Variants in NPHP4 observed in about 807,000 individuals in gnomAD.
NPHP4 encodes the protein nephrocystin 4.
In NPHP4, 151 loss-of-function variants were observed where a neutral mutation model predicts 155.8. The observed-to-expected ratio is 0.97, with a 90% CI of 0.85 to 1.11. The LOEUF is 1.11. Among genes scored for constraint, NPHP4 ranks in the 50% least tolerant of loss-of-function variants. The pLI is 0.00. For missense variants in NPHP4, 1,956 were observed against 1,925.7 expected (o/e 1.02, Z -0.29); for synonymous variants, 845 against 816.8 (o/e 1.03, Z -0.59).
rs1644081007 is a variant in NPHP4, at chr1:5,890,788, A to C, written c.2304+80T>G. On this transcript the variant is annotated intron_variant, in intron 17 of 29. Transcript: ENST00000378156. The surrounding 1 kb of genome is among the most constrained non-coding windows in gnomAD (Gnocchi z 4.9). ...TGCGGGATAGCGCCCGCTCCTTCCA[A>C]GCAGACAGACGCTGGAAGCGTGACT... 6.3e-6 allele frequency: 9 copies of C among 1,428,082 alleles called. No homozygotes were observed. Among genetic ancestry groups the C allele is most frequent in the Non-Finnish European group, 8.7e-6 (9 of 1,039,156 alleles). The allele number at this position is 1,428,082 out of a possible 1,614,324, so 88.5% of individuals were successfully genotyped here. A position where few individuals can be genotyped will look rare whatever the true frequency, so the allele number is the denominator to read the frequency against.
intron 23 of NPHP4, among the ~76,000 whole-genome samples, chr1:5,868,678 A>C (rs911607232): frequency 2.0e-5 from 3 of 149,736 alleles, no homozygotes; most frequent in Non-Finnish European, 1.5e-5. Flanking sequence ...ATGCACACAC[A>C]TGCATGTACA....
At position 5,867,532 on chromosome 1, in the gene NPHP4, G is replaced by A. The variant is rs935187005; in HGVS notation, c.3472+208C>T. The A allele has an allele frequency of 7.7e-5, 47 of 611,074 alleles. No individual in the cohort carries two copies. The highest frequency in any genetic ancestry group is 1.1e-4 in the East Asian group (4 of 35,682). 37.9% of individuals were successfully genotyped at this position (611,074 alleles called of 1,614,324 possible). ...ATTTTTTAGAAGGGCAGACTCAGCC[G>A]GCAAATGCGCACCTAGTCATCTCAG... On this transcript the variant is annotated intron_variant, in intron 24 of 29. Coordinates refer to ENST00000378156, the MANE Select transcript of NPHP4 (RefSeq NM_015102.5). The surrounding 1 kb of genome is among the most constrained non-coding windows in gnomAD (Gnocchi z 4.1).
chr1:5,888,373 T>C (rs1643928465), intron 17 of NPHP4: 4 of 1,096,256 alleles, frequency 3.6e-6, no homozygotes, highest in African/African-American at 1.7e-5. Context: ...TAAGAAGCAG[T>C]GTGGGAGCAG....
intron 2 of NPHP4, among the ~76,000 whole-genome samples, chr1:5,979,929 G>C (rs1654374920): frequency 6.6e-6 from 1 of 152,092 alleles, no homozygotes; most frequent in African/African-American, 2.4e-5. Context: ...AGGCCTATCA[G>C]AATGTGTCTG....
In NPHP4 at chr1:5,865,193, G is replaced by A; in HGVS notation, c.3725C>T (p.Ala1242Val). 2 of 1,612,384 alleles carry A rather than the reference G, an allele frequency of 1.2e-6. No individual in the cohort carries two copies. The highest frequency in any genetic ancestry group is 1.7e-6 in the Non-Finnish European group (2 of 1,179,298). The change falls in exon 27 of 30, where the codon GCA (alanine) becomes GTA (valine). Residue 1242 changes from alanine (A) to valine (V), a missense_variant. Coordinates refer to ENST00000378156, the MANE Select transcript of NPHP4 (RefSeq NM_015102.5). ...AAGGGACAGGCGGGTCAGCTGGCCT[G>A]CGACGCAGGAGACATCCACGCGCTG... ...SLQRVDVSCVAGQLTRLSLVL... is the reference protein window; with the variant it reads ...SLQRVDVSCVVGQLTRLSLVL...
chr1:5,897,108 G>A (rs777429928), intron 16 of NPHP4, among the ~76,000 whole-genome samples: 1 of 152,164 alleles, frequency 6.6e-6, no homozygotes, highest in Non-Finnish European at 1.5e-5. Flanking sequence ...GTAGTTCATC[G>A]CTTATCGGTA....
At chr1:5,965,937 G>C (rs1156607875) in intron 5 of NPHP4, among the ~76,000 whole-genome samples, 1 of 152,164 alleles carries the variant, frequency 6.6e-6, no homozygotes, top group African/African-American at 2.4e-5. Flanking sequence ...ATGGGACTCA[G>C]CTGCGCACGT....
intron 5 of NPHP4, among the ~76,000 whole-genome samples, chr1:5,963,057 G>A (rs960690072): frequency 6.9e-6 from 1 of 145,630 alleles, no homozygotes; most frequent in African/African-American, 2.4e-5. Context: ...GCTCATTCAT[G>A]TTCTGATTTC....
intron 5 of NPHP4, among the ~76,000 whole-genome samples, chr1:5,964,584 C>T (rs990908090): frequency 6.6e-6 from 1 of 152,114 alleles, no homozygotes; most frequent in African/African-American, 2.4e-5. Context: ...CCCACCCTCC[C>T]GGCCTGTACC....
At chr1:5,893,959 C>T (rs1233059323) in intron 16 of NPHP4, among the ~76,000 whole-genome samples, 1 of 152,166 alleles carries the variant, frequency 6.6e-6, no homozygotes, top group Admixed American at 6.5e-5. Context: ...TCTGTATGGC[C>T]TGGTTTTTCC....
intron 10 of NPHP4, among the ~76,000 whole-genome samples, chr1:5,928,373 G>A (rs1646118592): frequency 6.6e-6 from 1 of 152,226 alleles, no homozygotes; most frequent in Non-Finnish European, 1.5e-5. Context: ...ATTCATCCAA[G>A]TTGTTACATA....
rs765510993 is a variant in NPHP4 at position 5,864,486 on chromosome 1, G to A, written c.3848C>T (p.Pro1283Leu). ...AACATGCAGGTCCTGCACCCCACGA[G>A]GCGGCAGCACGAAGACACCTTTGGG... is the stretch of plus-strand genomic sequence containing the variant. The part of the protein sequence containing the change: ...TDPKGVFVLP[P>L]RGVQDLHVGV... The change falls in exon 28 of 30, where the codon CCT becomes CTT. Residue 1283 changes from proline to leucine, a missense_variant. Transcript: ENST00000378156. The A allele has an allele frequency of 1.5e-5, 24 of 1,595,350 alleles. No homozygotes were observed. Among genetic ancestry groups the A allele is most frequent in the Non-Finnish European group, 2.1e-5 (24 of 1,170,036 alleles).
chr1:5,895,424 C>T (rs1047137666), intron 16 of NPHP4, among the ~76,000 whole-genome samples: 2 of 152,072 alleles, frequency 1.3e-5, no homozygotes, highest in Non-Finnish European at 2.9e-5. Context: ...CACTTGAACC[C>T]GGGAGGTGGA....
At position 5,952,716 on chromosome 1, in the gene NPHP4, T is replaced by C. The variant is rs1020667389; in HGVS notation, c.794A>G (p.Gln265Arg). The C allele has an allele frequency of 6.5e-7, 1 of 1,546,232 alleles. No homozygotes were observed. The change falls in exon 7 of 30, where the codon CAG becomes CGG. Residue 265 changes from glutamine (Q) to arginine (R), a missense_variant. Physicochemically the swap from Gln to Arg is conservative, Grantham distance 43 (BLOSUM62 1). Coordinates refer to ENST00000378156, the MANE Select transcript of NPHP4 (RefSeq NM_015102.5). ...ACTCCACACCTCCTGGAAGTGGTCC[T>C]GGACGTGGAGCTCCAGCAGCTCTTC... The part of the protein sequence containing the change: ...FEEELLELHV[Q>R]DHFQEGCGPL...
At position 5,946,299 on chromosome 1, in the gene NPHP4, T is replaced by C. The variant is rs549291664; in HGVS notation, c.1119+805A>G. ...TACATTAATATAAATGATGTCCACA[T>C]ATTTTATTTCTTTCAACTGAACCTA... On this transcript the variant is annotated intron_variant, in intron 9 of 29. Coordinates refer to ENST00000378156, the MANE Select transcript of NPHP4 (RefSeq NM_015102.5). 3.3e-5 allele frequency among the ~76,000 whole-genome samples: 5 copies of C among 152,344 alleles called. No homozygotes were observed. The East Asian group carries it at 9.6e-4, about 29-fold the overall frequency.
At chr1:5,877,416 C>T in intron 19 of NPHP4, 118 bp from the exon 20 acceptor site, 1 of 713,104 alleles carries the variant, frequency 1.4e-6, no homozygotes, top group Non-Finnish European at 2.2e-6. Context: ...GAGTGCGGCT[C>T]ATGCTTTTTG....
At chr1:5,866,545 C>A in intron 25 of NPHP4, 87 bp from the exon 26 acceptor site, 1 of 761,534 alleles carries the variant, frequency 1.3e-6, no homozygotes, top group South Asian at 1.5e-5. Context: ...ATACACGCAG[C>A]GAGTGACGGC....
Position 5,956,067 on chromosome 1 carries a change from G to C in NPHP4, c.674-3231C>G, listed in dbSNP as rs947160783. Among the ~76,000 whole-genome samples, 133 of 149,992 alleles carry C rather than the reference G, an allele frequency of 8.9e-4. 6 individuals are homozygous for C. Among genetic ancestry groups the C allele is most frequent in the African/African-American group, 3.1e-3 (125 of 40,812 alleles). ...AGAATGTTTCAAAAAGCTGGGGGGG[G>C]GGGGTGCAGGGAGGGATGACATAAA... On this transcript the variant is annotated intron_variant, in intron 6 of 29. Transcript: ENST00000378156.
intron 2 of NPHP4, among the ~76,000 whole-genome samples, chr1:5,983,654 G>A (rs1266944983): frequency 6.6e-6 from 1 of 152,120 alleles, no homozygotes; most frequent in African/African-American, 2.4e-5. Context: ...ATGACTACAT[G>A]CTGAGTCATG....
Sources: allele counts gnomAD v4.1 joint callset (sites outside exome capture counted in the v4.1 genomes callset), GRCh38; gene constraint gnomAD v4.1.1; non-coding constraint Gnocchi (gnomAD v3.1); transcripts MANE v1.5; gene names NCBI Gene and HGNC (gene_info 2026-07-23, HGNC 2026-07-21).